Variants in KYNU observed in about 807,000 individuals in gnomAD.
KYNU encodes the protein L-kynurenine hydrolase.
Under a neutral mutation model 59.2 loss-of-function variants are expected in KYNU, and 54 were observed. The ratio of observed to expected loss-of-function variants is 0.91; its 90% CI spans 0.73 to 1.14. The LOEUF (loss-of-function observed/expected upper bound fraction) is 1.14, where lower values mean the gene tolerates loss of function less well. KYNU is among the 50% of genes most tolerant of loss of function. KYNU has a pLI of 0.00. For synonymous variants in KYNU, 177 were observed against 192.0 expected (o/e 0.92, Z 0.65); for missense variants, 567 against 554.4 (o/e 1.02, Z -0.23).
chr2:143,006,782 C>T (rs1685919658), intron 10 of KYNU, among the ~76,000 whole-genome samples: 1 of 151,894 alleles, frequency 6.6e-6, no homozygotes, highest in Admixed American at 6.6e-5. Context: ...GGAGGCACCC[C>T]CCAGCAGGAG....
At chr2:142,958,082 G>C (rs16858393) in intron 7 of KYNU, 13,414 of 242,266 alleles carry the variant, frequency 0.055, 1,552 homozygotes, top group African/African-American at 0.26. Flanking sequence ...AGAATTATTT[G>C]TTAAAATGGA....
chr2:142,915,384 G>A (rs1682634795), intron 2 of KYNU, among the ~76,000 whole-genome samples: 1 of 152,214 alleles, frequency 6.6e-6, no homozygotes, highest in Non-Finnish European at 1.5e-5. Context: ...AGCAGCAGCA[G>A]TGAGGAACAA....
At chr2:143,025,182 T>G (rs942393330) in intron 10 of KYNU, among the ~76,000 whole-genome samples, 1 of 152,184 alleles carries the variant, frequency 6.6e-6, no homozygotes, top group East Asian at 1.9e-4. Flanking sequence ...TCATTAAGCT[T>G]CTGTTGTTTT....
chr2:143,047,526 T>G lies in KYNU; in HGVS notation c.*5354T>G, dbSNP rs1049349661. 6.6e-6 allele frequency: 1 copy of G among 151,962 alleles called. No homozygotes were observed. Among genetic ancestry groups the G allele is most frequent in the African/African-American group, 2.4e-5 (1 of 41,378 alleles). The allele number at this position is 151,962 out of a possible 1,614,324, so 9.4% of individuals were successfully genotyped here. On this transcript the variant is annotated 3_prime_UTR_variant, in exon 14 of 14. Coordinates refer to ENST00000264170, the MANE Select transcript of KYNU (RefSeq NM_003937.3). ...TCCTTCCTTCTTTCCTTGTTCTCTT[T>G]CTTTCTCTCTCTTTCTCTTTCTCTC...
chr2:142,913,917 T>G lies in KYNU; in HGVS notation c.170-4692T>G, dbSNP rs978198209. Among the ~76,000 whole-genome samples, 3 of 152,364 alleles carry G rather than the reference T, an allele frequency of 2.0e-5. No homozygotes were observed. In the South Asian group the frequency reaches 6.2e-4, roughly 32 times the overall value. ...TATTTAGGATAGTTTAGTATTCTTGTTGCATTGAACATTTTATCATTATGT... is the reference window on the plus strand; with the variant it reads ...TATTTAGGATAGTTTAGTATTCTTGGTGCATTGAACATTTTATCATTATGT... On this transcript the variant is annotated intron_variant, in intron 2 of 13. Transcript: ENST00000264170.
At chr2:143,032,052 C>T (rs564707502) in intron 11 of KYNU, among the ~76,000 whole-genome samples, 6 of 151,994 alleles carry the variant, frequency 3.9e-5, no homozygotes, top group Admixed American at 3.3e-4. Flanking sequence ...CCAAGGCGGG[C>T]GGATCACGAG....
At chr2:142,952,381 T>A (rs1267431456) in intron 4 of KYNU, among the ~76,000 whole-genome samples, 3 of 152,130 alleles carry the variant, frequency 2.0e-5, no homozygotes, top group African/African-American at 4.8e-5. Context: ...CCAGCCTATA[T>A]CCAAATTTTC....
At chr2:143,006,937 T>TA (rs1473272141) in intron 10 of KYNU, among the ~76,000 whole-genome samples, 14 of 151,714 alleles carry the variant, frequency 9.2e-5, no homozygotes, top group Non-Finnish European at 1.9e-4. Context: ...CAAAAGTAGA[T>TA]AAAACCACAA....
chr2:142,893,424 G>A (rs751197350), intron 2 of KYNU, among the ~76,000 whole-genome samples: 3 of 152,166 alleles, frequency 2.0e-5, no homozygotes, highest in Non-Finnish European at 4.4e-5. Context: ...TAGCAGTCAG[G>A]AGAGCTTTAT....
chr2:142,928,105 T>A (rs1683101200), intron 4 of KYNU, among the ~76,000 whole-genome samples: 1 of 152,192 alleles, frequency 6.6e-6, no homozygotes, highest in Non-Finnish European at 1.5e-5. Flanking sequence ...ATAATGAACA[T>A]TTTCACATGC....
intron 2 of KYNU, among the ~76,000 whole-genome samples, chr2:142,896,452 G>A (rs903737453): frequency 2.6e-5 from 4 of 152,048 alleles, no homozygotes; most frequent in Non-Finnish European, 5.9e-5. Context: ...AGAAATGTCT[G>A]CTCAAATATT....
rs2105158340 is a variant in KYNU, at chr2:142,985,093, G to A, written c.739G>A (p.Val247Ile). The part of the protein sequence containing the change: ...TKAGQAKGCY[V>I]GFDLAHAVGN... Reference sequence around the variant, plus strand: ...TTGTGTTCTTCCCTAGGGTTGTTATGTTGGCTTTGATCTAGCACATGCAGT... The same window carrying A: ...TTGTGTTCTTCCCTAGGGTTGTTATATTGGCTTTGATCTAGCACATGCAGT... The change falls in exon 9 of 14, where the codon GTT becomes ATT. Residue 247 changes from valine (V) to isoleucine (I), a missense_variant. Val to Ile is a conservative substitution (Grantham distance 29). Coordinates refer to ENST00000264170, the MANE Select transcript of KYNU (RefSeq NM_003937.3). 6.2e-7 allele frequency: 1 copy of A among 1,602,748 alleles called. No homozygotes were observed. Among genetic ancestry groups the A allele is most frequent in the African/African-American group, 1.3e-5 (1 of 74,732 alleles).
At chr2:142,990,203 T>C (rs1192128264) in intron 10 of KYNU, among the ~76,000 whole-genome samples, 1 of 151,876 alleles carries the variant, frequency 6.6e-6, no homozygotes, top group Non-Finnish European at 1.5e-5. Flanking sequence ...CTTGGATGTT[T>C]TTGCCCCACT....
chr2:142,899,297 G>A (rs1400917267), intron 2 of KYNU, among the ~76,000 whole-genome samples: 7 of 152,158 alleles, frequency 4.6e-5, no homozygotes, highest in Non-Finnish European at 7.3e-5. Flanking sequence ...GCTCTCAGGC[G>A]ATATATGATT....
intron 2 of KYNU, among the ~76,000 whole-genome samples, chr2:142,888,512 CAA>C (rs1681592228): frequency 6.6e-6 from 1 of 152,030 alleles, no homozygotes; most frequent in South Asian, 2.1e-4. Context: ...TTATTAACCC[CAA>C]GTGTTCTTCT....
intron 8 of KYNU, among the ~76,000 whole-genome samples, chr2:142,977,391 A>ATAT (rs1553484710): frequency 4.0e-5 from 6 of 150,502 alleles, no homozygotes; most frequent in Admixed American, 1.3e-4. Flanking sequence ...ATATATGAAT[A>ATAT]ATCATATTCA....
At chr2:142,956,072 C>T in intron 5 of KYNU, 131 bp from the exon 6 acceptor site, 1 of 582,628 alleles carries the variant, frequency 1.7e-6, no homozygotes. Context: ...GTAGTCCTGA[C>T]AAACACTTAA....
chr2:142,938,885 C>T (rs1027929483), intron 4 of KYNU, among the ~76,000 whole-genome samples: 3 of 151,916 alleles, frequency 2.0e-5, no homozygotes, highest in South Asian at 2.1e-4. Context: ...CACTGAGAGG[C>T]CAAAGCGAGA....
At chr2:142,879,804 A>G (rs537702945) in intron 1 of KYNU, 1 of 152,334 alleles carries the variant, frequency 6.6e-6, no homozygotes, top group East Asian at 1.9e-4. Context: ...TAAGATACAG[A>G]TAGAATGACG....
Sources: allele counts gnomAD v4.1 joint callset (sites outside exome capture counted in the v4.1 genomes callset), GRCh38; gene constraint gnomAD v4.1.1; transcripts MANE v1.5; gene names NCBI Gene and HGNC (gene_info 2026-07-23, HGNC 2026-07-21).